RIPK1: variants seen among roughly 807,000 people sequenced by gnomAD.
The protein encoded by RIPK1 is receptor interacting serine/threonine kinase 1.
Under a neutral mutation model 62.4 loss-of-function variants are expected in RIPK1, and 27 were observed. That is an observed-to-expected ratio of 0.43 (90% CI 0.32 to 0.60). RIPK1 has a LOEUF of 0.60. RIPK1 is among the 20% of genes least tolerant of loss of function. The pLI is 0.07. For missense variants in RIPK1, 735 were observed against 831.0 expected, an observed-to-expected ratio of 0.88 and a Z score of 1.42; for synonymous variants, 287 against 303.2, an observed-to-expected ratio of 0.95 and a Z score of 0.55.
chr6:3,077,123 G>A, intron 2 of RIPK1, 136 bp downstream of exon 2: 1 of 726,798 alleles, frequency 1.4e-6, no homozygotes, highest in South Asian at 2.3e-5. Context: ...GGGTGACGAT[G>A]GCTCTTCGGA....
At chr6:3,110,334 G>C (rs1761093309) in intron 9 of RIPK1, among the ~76,000 whole-genome samples, 10 of 151,322 alleles carry the variant, frequency 6.6e-5, no homozygotes. Flanking sequence ...TCAGCCTCCT[G>C]AGTAGCTGGG....
chr6:3,100,413 A>C (rs1760533199), intron 7 of RIPK1, among the ~76,000 whole-genome samples: 1 of 151,944 alleles, frequency 6.6e-6, no homozygotes, highest in South Asian at 2.1e-4. Context: ...AACAGAGTGA[A>C]ACTGTGTCTC....
chr6:3,107,562 CA>C (rs60843872), intron 9 of RIPK1, among the ~76,000 whole-genome samples: 8,215 of 46,344 alleles, frequency 0.18, 638 homozygotes, highest in African/African-American at 0.42. Flanking sequence ...GAGACTGTCG[CA>C]AAAAAAAAAA....
intron 7 of RIPK1, among the ~76,000 whole-genome samples, chr6:3,099,135 T>C (rs770309832): frequency 3.7e-4 from 57 of 152,078 alleles, no homozygotes; most frequent in Non-Finnish European, 7.4e-4. Flanking sequence ...TCGCAAGGTA[T>C]AAAGAAAAAG....
rs201234886 is a variant in RIPK1 at position 3,106,391 on chromosome 6, G to A, written c.1576+340G>A. On this transcript the variant is annotated intron_variant, in intron 9 of 10. Coordinates refer to ENST00000259808, the MANE Select transcript of RIPK1 (RefSeq NM_001354930.2). ...CTGCTTATTTGCTTTTACCTTGCTT[G>A]CTACTTTTTGAAGGTAAGAAATCAG... Among the ~76,000 whole-genome samples, 20 of 152,310 alleles carry A rather than the reference G, an allele frequency of 1.3e-4. No homozygotes were observed. In the East Asian group the frequency reaches 2.1e-3, roughly 16 times the overall value.
rs967876163 is a variant in RIPK1, at chr6:3,072,338, A to G, written c.-61+3677A>G. Among the ~76,000 whole-genome samples, 5 of 152,104 alleles carry G rather than the reference A, an allele frequency of 3.3e-5. No individual in the cohort carries two copies. The highest frequency in any genetic ancestry group is 7.4e-5 in the Non-Finnish European group (5 of 68,026). ...TCATCAAGATACAATCCTTGTTAAC[A>G]TTTTGGTGTCTTTATGTCTTTTTTA... On this transcript the variant is annotated intron_variant, in intron 1 of 10. Transcript: ENST00000259808. This position sits in a 1 kb window ranked among gnomAD's most constrained non-coding sequence, Gnocchi z 5.6.
rs1226121965 is a variant in RIPK1, at chr6:3,076,811, C to G, written c.-13C>G. On this transcript the variant is annotated 5_prime_UTR_variant, in exon 2 of 11. Coordinates refer to ENST00000259808, the MANE Select transcript of RIPK1 (RefSeq NM_001354930.2). The stretch of plus-strand genomic sequence containing the variant: ...AAAAAGTGGTACCATTTTGGGCGTT[C>G]TTGAGCTTCAGAATGCAACCAGACA... 6.2e-7 allele frequency: 1 copy of G among 1,610,700 alleles called. No individual in the cohort carries two copies. The highest frequency in any genetic ancestry group is 1.7e-5 in the Admixed American group (1 of 59,738).
chr6:3,100,713 C>T (rs963958628), intron 7 of RIPK1, among the ~76,000 whole-genome samples: 19 of 149,152 alleles, frequency 1.3e-4, no homozygotes, highest in Non-Finnish European at 2.2e-4. Flanking sequence ...GCCTCAGCCT[C>T]CCGAGTAGCT....
chr6:3,084,719 G>A (rs766285851), intron 5 of RIPK1, among the ~76,000 whole-genome samples: 32 of 151,484 alleles, frequency 2.1e-4, no homozygotes, highest in Non-Finnish European at 4.4e-4. Flanking sequence ...TCAGCCTCCC[G>A]AGTAGCTGGG....
intron 1 of RIPK1, among the ~76,000 whole-genome samples, chr6:3,075,602 C>A (rs1450403653): frequency 6.6e-6 from 1 of 152,198 alleles, no homozygotes; most frequent in Non-Finnish European, 1.5e-5. Context: ...GGGTCTGTCT[C>A]ACAGTGAATT....
At chr6:3,066,169 A>G (rs1160320257), upstream of RIPK1, among the ~76,000 whole-genome samples, 1 of 152,138 alleles carries the variant, frequency 6.6e-6, no homozygotes, top group Non-Finnish European at 1.5e-5. Context: ...GTCTACAGGC[A>G]TGCACCACCA....
intron 5 of RIPK1, 142 bp from the exon 6 acceptor site, chr6:3,085,117 G>A: frequency 1.3e-6 from 1 of 791,860 alleles, no homozygotes; most frequent in Non-Finnish European, 2.0e-6. Context: ...GAATATGTCA[G>A]CTCCTTGTCA....
At chr6:3,064,336 C>T (rs1758284777), upstream of RIPK1, among the ~76,000 whole-genome samples, 1 of 152,204 alleles carries the variant, frequency 6.6e-6, no homozygotes, top group Non-Finnish European at 1.5e-5. Context: ...TCCCCTGCAG[C>T]CTCCTCCCCA....
intron 3 of RIPK1, among the ~76,000 whole-genome samples, chr6:3,078,610 AG>A (rs1759219400): frequency 6.6e-6 from 1 of 152,252 alleles, no homozygotes; most frequent in African/African-American, 2.4e-5. Flanking sequence ...GATTAATGAA[AG>A]GATATACACT....
chr6:3,098,637 A>G (rs1760436349), intron 7 of RIPK1, among the ~76,000 whole-genome samples: 1 of 152,258 alleles, frequency 6.6e-6, no homozygotes, highest in South Asian at 2.1e-4. Flanking sequence ...TAAGTTACAC[A>G]AAATGTACAA....
chr6:3,089,019 G>A (rs988870473), intron 6 of RIPK1, among the ~76,000 whole-genome samples: 3 of 152,056 alleles, frequency 2.0e-5, no homozygotes, highest in African/African-American at 7.2e-5. Flanking sequence ...GTTTCCTGCT[G>A]GTCTGCCTCC....
intron 6 of RIPK1, among the ~76,000 whole-genome samples, chr6:3,087,104 AT>A (rs1185832385): frequency 1.3e-5 from 2 of 151,822 alleles, no homozygotes; most frequent in Non-Finnish European, 2.9e-5. Flanking sequence ...TCATTCTAAA[AT>A]TTTTTTCCTT....
upstream of RIPK1, among the ~76,000 whole-genome samples, chr6:3,067,144 C>A (rs1376691112): frequency 7.4e-6 from 1 of 134,928 alleles, no homozygotes; most frequent in Non-Finnish European, 1.5e-5. Flanking sequence ...GCTTATCTGT[C>A]CACCCATTAA....
intron 2 of RIPK1, 133 bp downstream of exon 2, chr6:3,077,120 G>A (rs1241625499): frequency 7.9e-6 from 6 of 757,810 alleles, no homozygotes; most frequent in Admixed American, 3.0e-5. Context: ...TCAGGGTGAC[G>A]ATGGCTCTTC....
Sources: allele counts gnomAD v4.1 joint callset (sites outside exome capture counted in the v4.1 genomes callset), GRCh38; gene constraint gnomAD v4.1.1; non-coding constraint Gnocchi (gnomAD v3.1); transcripts MANE v1.5; gene names NCBI Gene and HGNC (gene_info 2026-07-23, HGNC 2026-07-21).